The following PTPRN2 variants were observed in gnomAD, a reference collection of about 807,000 sequenced individuals.
PTPRN2 encodes receptor-type tyrosine-protein phosphatase N2.
Under a neutral mutation model 118.8 loss-of-function variants are expected in PTPRN2, and 74 were observed. The ratio of observed to expected loss-of-function variants is 0.62; its 90% CI spans 0.52 to 0.76. The LOEUF (loss-of-function observed/expected upper bound fraction) is 0.76. PTPRN2 is among the 30% of genes least tolerant of loss of function. The probability of loss-of-function intolerance (pLI) is 0.00; values close to 1 mark genes in which losing one functional copy is unlikely to be tolerated. For missense variants in PTPRN2, 1,481 were observed against 1,394.4 expected, an observed-to-expected ratio of 1.06 and a Z score of -0.99; for synonymous variants, 641 against 608.0, an observed-to-expected ratio of 1.05 and a Z score of -0.80.
At chr7:158,201,613 T>C (rs1216844314) in intron 4 of PTPRN2, among the ~76,000 whole-genome samples, 1 of 152,204 alleles carries the variant, frequency 6.6e-6, no homozygotes, top group Non-Finnish European at 1.5e-5. Flanking sequence ...GGCACCCTTT[T>C]AGGTCCAATA....
rs1297989359 is a variant in PTPRN2 at position 157,977,948 on chromosome 7, G to T, written c.1724-79211C>A. 2.0e-5 allele frequency among the ~76,000 whole-genome samples: 3 copies of T among 152,008 alleles called. No homozygotes were observed. Among genetic ancestry groups the T allele is most frequent in the African/African-American group, 7.2e-5 (3 of 41,518 alleles). On this transcript the variant is annotated intron_variant, in intron 11 of 22. Coordinates refer to ENST00000389418, the MANE Select transcript of PTPRN2 (RefSeq NM_002847.5). The surrounding 1 kb of genome is among the most constrained non-coding windows in gnomAD (Gnocchi z 4.6). The stretch of plus-strand genomic sequence containing the variant: ...CCGGCAGGACTCACCGCCGCAGGCA[G>T]CAGGCTCAGGCACCTTTGGTAACTA...
rs139380682 is a variant in PTPRN2 at position 158,475,988 on chromosome 7, C to T, written c.163+13747G>A. On this transcript the variant is annotated intron_variant, in intron 2 of 22. Transcript: ENST00000389418. ...GGAAACCTGCATATCATACTTACTA[C>T]GATTTGTGTTCCTCCCGCCATTTGT... Among the ~76,000 whole-genome samples the T allele has an allele frequency of 5.2e-4, 79 of 152,264 alleles. 3 individuals carry two copies. The East Asian group carries it at 0.015, about 29-fold the overall frequency.
intron 11 of PTPRN2, among the ~76,000 whole-genome samples, chr7:158,071,799 C>CTGTGG (rs1811856251): frequency 5.6e-5 from 4 of 70,976 alleles, no homozygotes; most frequent in African/African-American, 9.6e-5. Flanking sequence ...GGAGGTGCTC[C>CTGTGG]TGGTGGAGGT....
chr7:158,012,304 G>A (rs1040370084), intron 11 of PTPRN2, among the ~76,000 whole-genome samples: 4 of 152,192 alleles, frequency 2.6e-5, no homozygotes, highest in African/African-American at 9.7e-5. Context: ...TAGATGACAC[G>A]ACGCTGGCTT....
Position 157,894,272 on chromosome 7 carries a change from G to A in PTPRN2, c.1788+4401C>T, listed in dbSNP as rs554638626. On this transcript the variant is annotated intron_variant, in intron 12 of 22. Coordinates refer to ENST00000389418, the MANE Select transcript of PTPRN2 (RefSeq NM_002847.5). Reference sequence around the variant, plus strand: ...CTGAGAGGAGCAATCAAAACCGGGCGTGACTGGGAGCTGCTGCTGAAGTGG... The same window carrying A: ...CTGAGAGGAGCAATCAAAACCGGGCATGACTGGGAGCTGCTGCTGAAGTGG... 1.1e-4 allele frequency among the ~76,000 whole-genome samples: 16 copies of A among 152,364 alleles called. 1 individual carries two copies. The highest frequency in any genetic ancestry group is 5.2e-4 in the Admixed American group (8 of 15,304).
At position 157,776,871 on chromosome 7, in the gene PTPRN2, TC is replaced by T. The variant is rs1185522703; in HGVS notation, c.1789-93935del. Among the ~76,000 whole-genome samples, 649 of 122,606 alleles carry T rather than the reference TC, an allele frequency of 5.3e-3. 13 individuals are homozygous for T. The highest frequency in any genetic ancestry group is 0.02 in the African/African-American group (601 of 30,258). 80.4% of individuals were successfully genotyped at this position (122,606 alleles called of 152,430 possible). ...CCTCTCCTCCTCCTCCCTCTCCTCCTCCTCCCTCTCCTCCTCCATCTCCTCC... is the reference window on the plus strand; with the variant it reads ...CCTCTCCTCCTCCTCCCTCTCCTCCTCTCCCTCTCCTCCTCCATCTCCTCC... On this transcript the variant is annotated intron_variant, in intron 12 of 22. Transcript: ENST00000389418.
At chr7:158,247,463 G>GT (rs200297248) in intron 3 of PTPRN2, among the ~76,000 whole-genome samples, 4,870 of 152,220 alleles carry the variant, frequency 0.032, 275 homozygotes, top group African/African-American at 0.11. Context: ...TCTTCACGGC[G>GT]CCCCTGCTTC....
intron 12 of PTPRN2, among the ~76,000 whole-genome samples, chr7:157,740,687 T>C (rs1229256264): frequency 6.6e-6 from 1 of 152,174 alleles, no homozygotes. Flanking sequence ...TAATCAATGC[T>C]TTTTCTTTTA....
At chr7:157,669,286 C>T (rs931650460) in intron 13 of PTPRN2, among the ~76,000 whole-genome samples, 8 of 152,258 alleles carry the variant, frequency 5.3e-5, no homozygotes, top group Admixed American at 3.3e-4. Context: ...TGATCTAAGC[C>T]GGGGACGTCC....
At chr7:157,935,222 T>G (rs1342729427) in intron 11 of PTPRN2, among the ~76,000 whole-genome samples, 1 of 152,180 alleles carries the variant, frequency 6.6e-6, no homozygotes, top group Non-Finnish European at 1.5e-5. Context: ...GAATATTAAT[T>G]CTTCTTTTTT....
At chr7:158,073,759 C>T (rs142065679) in intron 11 of PTPRN2, among the ~76,000 whole-genome samples, 5 of 151,528 alleles carry the variant, frequency 3.3e-5, no homozygotes, top group Non-Finnish European at 5.9e-5. Context: ...AAACAGCATT[C>T]GCTTATGGAC....
intron 1 of PTPRN2, among the ~76,000 whole-genome samples, chr7:158,491,447 G>T (rs1821437392): frequency 6.6e-6 from 1 of 152,170 alleles, no homozygotes; most frequent in Non-Finnish European, 1.5e-5. Flanking sequence ...TTTTGGTTTG[G>T]GGGAGTTTTT....
chr7:158,355,539 G>A (rs557996886), intron 2 of PTPRN2, among the ~76,000 whole-genome samples: 2 of 152,352 alleles, frequency 1.3e-5, no homozygotes, highest in Admixed American at 6.5e-5. Flanking sequence ...CCTGCAATGG[G>A]CTGGCCACCA....
chr7:157,938,248 G>A (rs1003873058), intron 11 of PTPRN2, among the ~76,000 whole-genome samples: 2 of 152,222 alleles, frequency 1.3e-5, no homozygotes, highest in African/African-American at 4.8e-5. Flanking sequence ...GCACCCACTG[G>A]TTGGAAATTA....
chr7:158,318,103 CCACA>C (rs1211403187), intron 2 of PTPRN2, among the ~76,000 whole-genome samples: 1 of 152,086 alleles, frequency 6.6e-6, no homozygotes, highest in Admixed American at 6.5e-5. Flanking sequence ...GCCTGCGAGG[CCACA>C]CAAAGGCGGA....
chr7:158,372,679 C>A (rs1183739257), intron 2 of PTPRN2, among the ~76,000 whole-genome samples: 1 of 152,216 alleles, frequency 6.6e-6, no homozygotes, highest in Non-Finnish European at 1.5e-5. Context: ...CCACGCTGAT[C>A]CCCAGAGTGC....
rs916669290 is a variant in PTPRN2, at chr7:158,213,184, T to A, written c.278-7911A>T. On this transcript the variant is annotated intron_variant, in intron 3 of 22. Coordinates refer to ENST00000389418, the MANE Select transcript of PTPRN2 (RefSeq NM_002847.5). ...GTACAAAAACACATTACCAAAATCTTCAAATCAGGATGGCTCTGTGCTTGT... is the reference window on the plus strand; with the variant it reads ...GTACAAAAACACATTACCAAAATCTACAAATCAGGATGGCTCTGTGCTTGT... 8.1e-5 allele frequency among the ~76,000 whole-genome samples: 12 copies of A among 148,658 alleles called. No homozygotes were observed. The East Asian group carries it at 2.4e-3, about 30-fold the overall frequency.
intron 2 of PTPRN2, among the ~76,000 whole-genome samples, chr7:158,403,185 G>A (rs547573484): frequency 1.3e-5 from 2 of 152,322 alleles, no homozygotes; most frequent in African/African-American, 2.4e-5. Flanking sequence ...ACGTGGGCAC[G>A]TGGCCAGAGA....
chr7:157,657,328 T>C (rs1055997387), intron 13 of PTPRN2, among the ~76,000 whole-genome samples: 1 of 77,068 alleles, frequency 1.3e-5, no homozygotes, highest in Non-Finnish European at 2.4e-5. Context: ...ACATCACACA[T>C]ATACACACAC....
Sources: allele counts gnomAD v4.1 joint callset (sites outside exome capture counted in the v4.1 genomes callset), GRCh38; gene constraint gnomAD v4.1.1; non-coding constraint Gnocchi (gnomAD v3.1); transcripts MANE v1.5; gene names NCBI Gene and HGNC (gene_info 2026-07-23, HGNC 2026-07-21).